The following PIEZO1 variants were observed in gnomAD, a reference collection of about 807,000 sequenced individuals.
PIEZO1 encodes the protein piezo type mechanosensitive ion channel component 1 (Er blood group), also known as piezo-type mechanosensitive ion channel component 1.
In PIEZO1, 296 loss-of-function variants were observed where a neutral mutation model predicts 297.2. That is an observed-to-expected ratio of 1.00 (90% confidence interval 0.91 to 1.10). The LOEUF is 1.10. PIEZO1 is among the 50% of genes least tolerant of loss of function. The pLI is 0.00. For synonymous variants in PIEZO1, 2,427 were observed against 1,507.5 expected, an observed-to-expected ratio of 1.61 and a Z score of -14.13; for missense variants, 5,018 against 3,455.5, an observed-to-expected ratio of 1.45 and a Z score of -11.34.
At chr16:88,726,205 T>A in intron 27 of PIEZO1, 79 bp downstream of exon 27, 2 of 1,264,324 alleles carry the variant, frequency 1.6e-6, no homozygotes, top group Non-Finnish European at 2.2e-6. Flanking sequence ...GGCCGGGGCC[T>A]GAGACAGTGA....
At chr16:88,759,432 C>A (rs374399013) in intron 1 of PIEZO1, among the ~76,000 whole-genome samples, 4 of 152,338 alleles carry the variant, frequency 2.6e-5, no homozygotes, top group African/African-American at 7.2e-5. Flanking sequence ...CAGCTGCCCT[C>A]CCCCTGGCCT....
intron 1 of PIEZO1, among the ~76,000 whole-genome samples, chr16:88,764,082 C>CG (rs1907055924): frequency 6.6e-6 from 1 of 152,038 alleles, no homozygotes; most frequent in African/African-American, 2.4e-5. Context: ...AAGGCTTCCC[C>CG]GGGGGGCACC....
At position 88,749,495 on chromosome 16, in the gene PIEZO1, C is replaced by T. The variant is rs934462127; in HGVS notation, c.65-16G>A. 47 of 1,519,814 alleles carry T rather than the reference C, an allele frequency of 3.1e-5. No individual in the cohort carries two copies. In the Middle Eastern group the frequency reaches 1.0e-3, roughly 33 times the overall value. 94.1% of individuals were successfully genotyped at this position (1,519,814 alleles called of 1,614,324 possible). Reference sequence around the variant, plus strand: ...AGCAGGCAGGCTGCGGGGAGATGGGCGTTAACTAGGTCGCCAACAGAGGAT... The same window carrying T: ...AGCAGGCAGGCTGCGGGGAGATGGGTGTTAACTAGGTCGCCAACAGAGGAT... On this transcript the variant is annotated splice_polypyrimidine_tract_variant and intron_variant, in intron 1 of 50. Coordinates refer to ENST00000301015, the MANE Select transcript of PIEZO1 (RefSeq NM_001142864.4).
In PIEZO1 at chr16:88,734,742, G is replaced by T; in HGVS notation, c.1905C>A (p.Ala635=). 6.5e-7 allele frequency: 1 copy of T among 1,550,172 alleles called. No homozygotes were observed. Among genetic ancestry groups the T allele is most frequent in the Non-Finnish European group, 8.7e-7 (1 of 1,146,834 alleles). The change falls in exon 15 of 51, where the codon GCC becomes GCA. Residue 635 remains alanine (A), a synonymous_variant. Coordinates refer to ENST00000301015, the MANE Select transcript of PIEZO1 (RefSeq NM_001142864.4). ...CGGCGATGAGGACCAGCATGGTGTA[G>T]GCCACCACGAGCCACCAGAAGGCCT... ...LLKAFWWLVV[A]YTMLVLIAVY...
At chr16:88,775,082 C>T (rs960322777) in intron 1 of PIEZO1, among the ~76,000 whole-genome samples, 2 of 152,206 alleles carry the variant, frequency 1.3e-5, no homozygotes, top group Non-Finnish European at 2.9e-5. Flanking sequence ...AGTTCCCGGC[C>T]GTACCCGTGA....
In PIEZO1 at chr16:88,721,791, C is replaced by G. The variant is rs986766841; in HGVS notation, c.5214+17G>C. Reference sequence around the variant, plus strand: ...CGCGGTGGGCCGGGCGCCCCCTCCCCCGCGGCCTCGGCCCACCTCGGTGAA... The same window carrying G: ...CGCGGTGGGCCGGGCGCCCCCTCCCGCGCGGCCTCGGCCCACCTCGGTGAA... On this transcript the variant is annotated intron_variant, in intron 37 of 50. Transcript: ENST00000301015. 9.1e-6 allele frequency: 14 copies of G among 1,536,698 alleles called. No homozygotes were observed. In the African/African-American group the frequency reaches 1.9e-4, roughly 21 times the overall value.
intron 1 of PIEZO1, among the ~76,000 whole-genome samples, chr16:88,753,138 T>TGCCCCCCCAGAGCACAACC (rs1198629523): frequency 3.3e-5 from 2 of 61,216 alleles, no homozygotes; most frequent in Admixed American, 2.6e-4. Flanking sequence ...GGAGCACCCC[T>TGCCCCCCCAGAGCACAACC]GCCCCCCCAG....
intron 1 of PIEZO1, among the ~76,000 whole-genome samples, chr16:88,776,540 T>C (rs1169532825): frequency 6.6e-6 from 1 of 152,046 alleles, no homozygotes; most frequent in African/African-American, 2.4e-5. Context: ...CCCCAGCCTT[T>C]GGGCGGCTCC....
chr16:88,717,566 G>T lies in PIEZO1; in HGVS notation c.6472-355C>A. 6.2e-6 allele frequency: 3 copies of T among 487,800 alleles called. No individual in the cohort carries two copies. The Middle Eastern group carries it at 9.5e-4, about 154-fold the overall frequency. The allele number at this position is 487,800 out of a possible 1,614,324, so 30.2% of individuals were successfully genotyped here. A position where few individuals can be genotyped will look rare whatever the true frequency, so the allele number is the denominator to read the frequency against. On this transcript the variant is annotated intron_variant, in intron 44 of 50. Transcript: ENST00000301015. ...AAGTGGATCAAAGAGCGAAACTTCA[G>T]AGCTAAAACTATAGAACTTTTAGAA...
chr16:88,737,079 A>G lies in PIEZO1; in HGVS notation c.1196-340T>C, dbSNP rs368550513. ...GCTTCATTCAGAAACACATTGCAAA[A>G]TGGAAAATCAAGGGTTAGGGTAAAG... On this transcript the variant is annotated intron_variant, in intron 10 of 50. Coordinates refer to ENST00000301015, the MANE Select transcript of PIEZO1 (RefSeq NM_001142864.4). 6.1e-5 allele frequency: 15 copies of G among 246,878 alleles called. 1 individual carries two copies. In the South Asian group the frequency reaches 1.2e-3, roughly 19 times the overall value. The allele number at this position is 246,878 out of a possible 1,614,324, so 15.3% of individuals were successfully genotyped here. A position where few individuals can be genotyped will look rare whatever the true frequency, so the allele number is the denominator to read the frequency against.
rs1349409390 is a variant in PIEZO1, at chr16:88,716,178, AC to A, written c.7129+19del. ...GGTCACCCCTCTCTAGCCTCCCCCA[AC>A]CCCCACGCCCATACTCACTGGGCTG... On this transcript the variant is annotated intron_variant, in intron 49 of 50. Transcript: ENST00000301015. 4 of 1,511,882 alleles carry A rather than the reference AC, an allele frequency of 2.6e-6. No homozygotes were observed. Among genetic ancestry groups the A allele is most frequent in the Non-Finnish European group, 3.6e-6 (4 of 1,124,134 alleles). The allele number at this position is 1,511,882 out of a possible 1,614,324, so 93.7% of individuals were successfully genotyped here.
At position 88,736,711 on chromosome 16, in the gene PIEZO1, C is replaced by G. The variant is rs1464476900; in HGVS notation, c.1224G>C (p.Glu408Asp). The part of the protein sequence containing the change: ...PVRPKRAEPR[E>D]ASPLHSLGHL... ...GGCCCAGGCTGTGGAGCGGAGACGCCTCCCTGGGCTCAGCCCGCTTGGGCC... is the reference window on the plus strand; with the variant it reads ...GGCCCAGGCTGTGGAGCGGAGACGCGTCCCTGGGCTCAGCCCGCTTGGGCC... Residue 408 changes from glutamate to aspartate, a missense_variant, in exon 11 of 51, where the codon GAG (glutamate) becomes GAC (aspartate). Coordinates refer to ENST00000301015, the MANE Select transcript of PIEZO1 (RefSeq NM_001142864.4). 1 of 1,532,638 alleles carries G rather than the reference C, an allele frequency of 6.5e-7. No individual in the cohort carries two copies. Among genetic ancestry groups the G allele is most frequent in the Admixed American group, 2.0e-5 (1 of 50,850 alleles). The allele number at this position is 1,532,638 out of a possible 1,614,324, so 94.9% of individuals were successfully genotyped here.
At chr16:88,717,567 A>C (rs1451879551) in intron 44 of PIEZO1, 1 of 486,924 alleles carries the variant, frequency 2.1e-6, no homozygotes, top group African/African-American at 1.9e-5. Context: ...GAAACTTCAG[A>C]GCTAAAACTA....
Position 88,785,077 on chromosome 16 carries a change from G to A in PIEZO1, c.-113C>T. Reference sequence around the variant, plus strand: ...GCTGACCCGCGGGGACCCGCGCGCCGCCTTCTCCTCTTCCTCCTTCTCCTT... The same window carrying A: ...GCTGACCCGCGGGGACCCGCGCGCCACCTTCTCCTCTTCCTCCTTCTCCTT... On this transcript the variant is annotated 5_prime_UTR_variant, in exon 1 of 51. Coordinates refer to ENST00000301015, the MANE Select transcript of PIEZO1 (RefSeq NM_001142864.4). The A allele has an allele frequency of 5.3e-6, 3 of 563,422 alleles. No homozygotes were observed. Among genetic ancestry groups the A allele is most frequent in the Non-Finnish European group, 7.5e-6 (3 of 399,350 alleles). 34.9% of individuals were successfully genotyped at this position (563,422 alleles called of 1,614,324 possible).
At position 88,733,903 on chromosome 16, in the gene PIEZO1, C is replaced by T. The variant is rs1168484885; in HGVS notation, c.2329+3G>A. 12 of 1,491,988 alleles carry T rather than the reference C, an allele frequency of 8.0e-6. No individual in the cohort carries two copies. The highest frequency in any genetic ancestry group is 9.9e-6 in the Non-Finnish European group (11 of 1,114,036). The allele number at this position is 1,491,988 out of a possible 1,614,324, so 92.4% of individuals were successfully genotyped here. A position where few individuals can be genotyped will look rare whatever the true frequency, so the allele number is the denominator to read the frequency against. ...GCAGCTGTGCTCTGCCCGCCCAACC[C>T]ACCTTCAGGCACCTGCGTGGCCTGG... On this transcript the variant is annotated splice_donor_region_variant and intron_variant, in intron 17 of 50. Transcript: ENST00000301015.
chr16:88,727,696 G>C, intron 22 of PIEZO1, 35 bp from the exon 23 acceptor site: 1 of 1,126,662 alleles, frequency 8.9e-7, no homozygotes, highest in Non-Finnish European at 1.2e-6. Context: ...GAAGGGCCGG[G>C]CCTGCCTGGG....
At chr16:88,768,056 A>C (rs1229301361) in intron 1 of PIEZO1, among the ~76,000 whole-genome samples, 1 of 152,228 alleles carries the variant, frequency 6.6e-6, no homozygotes, top group Non-Finnish European at 1.5e-5. Flanking sequence ...AGAGGTCTGC[A>C]AAGTGGGACC....
At chr16:88,756,894 G>A (rs898796248) in intron 1 of PIEZO1, among the ~76,000 whole-genome samples, 1 of 152,068 alleles carries the variant, frequency 6.6e-6, no homozygotes, top group Non-Finnish European at 1.5e-5. Flanking sequence ...GGCCAACATG[G>A]TGAAACCCTG....
Position 88,736,695 on chromosome 16 carries a change from T to A in PIEZO1, c.1240A>T (p.Ser414Cys). The A allele has an allele frequency of 6.5e-7, 1 of 1,532,804 alleles. No homozygotes were observed. Among genetic ancestry groups the A allele is most frequent in the South Asian group, 1.2e-5 (1 of 83,922 alleles). 95.0% of individuals were successfully genotyped at this position (1,532,804 alleles called of 1,614,324 possible). Residue 414 changes from serine to cysteine, a missense_variant, in exon 11 of 51, where the codon AGC (serine) becomes TGC (cysteine). By Grantham distance (112) the Ser-to-Cys change is moderately radical. Transcript: ENST00000301015. ...AEPREASPLH[S>C]LGHLIMDQSY... is the part of the protein sequence containing the mutation. ...TGGTCCATGATGAGGTGGCCCAGGCTGTGGAGCGGAGACGCCTCCCTGGGC... is the reference window on the plus strand; with the variant it reads ...TGGTCCATGATGAGGTGGCCCAGGCAGTGGAGCGGAGACGCCTCCCTGGGC...
Sources: allele counts gnomAD v4.1 joint callset (sites outside exome capture counted in the v4.1 genomes callset), GRCh38; gene constraint gnomAD v4.1.1; transcripts MANE v1.5; gene names NCBI Gene and HGNC (gene_info 2026-07-23, HGNC 2026-07-21).